EPHX3: variants seen among roughly 807,000 people sequenced by gnomAD.
The protein encoded by EPHX3 is abhydrolase domain containing 9.
EPHX3 carries 39 observed loss-of-function variants against 40.2 expected under a neutral mutation model. The observed-to-expected ratio is 0.97, with a 90% CI of 0.75 to 1.27. The LOEUF (loss-of-function observed/expected upper bound fraction) is 1.27, where lower values mean the gene tolerates loss of function less well. EPHX3 is among the 50% of genes most tolerant of loss of function. The pLI, the probability that EPHX3 is intolerant of heterozygous loss-of-function variation, is 0.00. For synonymous variants in EPHX3, 213 were observed against 209.7 expected, an observed-to-expected ratio of 1.02 and a Z score of -0.14; for missense variants, 442 against 474.0, an observed-to-expected ratio of 0.93 and a Z score of 0.63.
At chr19:15,231,115 T>C (rs1403573045) in intron 3 of EPHX3, 25 bp from the exon 4 acceptor site, 2 of 1,613,414 alleles carry the variant, frequency 1.2e-6, no homozygotes, top group African/African-American at 1.3e-5. Context: ...GGAGCTCGCA[T>C]AAGTGAGGTG....
upstream of EPHX3, chr19:15,232,483 G>C (rs1421035537): frequency 7.8e-7 from 1 of 1,278,422 alleles, no homozygotes; most frequent in Non-Finnish European, 1.0e-6. Context: ...AGGTTGGAAA[G>C]GGGGGAAATA....
chr19:15,233,444 C>T (rs953602973), upstream of EPHX3: 10 of 152,468 alleles, frequency 6.6e-5, no homozygotes, highest in African/African-American at 1.9e-4. Context: ...GTCCAGCGGC[C>T]TCGGCCCGGC....
chr19:15,235,759 A>T (rs907845238), upstream of EPHX3: 1 of 152,184 alleles, frequency 6.6e-6, no homozygotes, highest in African/African-American at 2.4e-5. Context: ...GTACTGTGGG[A>T]AGGGTTGGGA....
At chr19:15,229,844 G>A (rs568447700) in intron 4 of EPHX3, among the ~76,000 whole-genome samples, 116 of 118,764 alleles carry the variant, frequency 9.8e-4, no homozygotes, top group African/African-American at 3.7e-3. Flanking sequence ...CTGAGATCAC[G>A]CCACTGCACT....
chr19:15,227,712 G>C (rs1200913439), intron 6 of EPHX3, 50 bp from the exon 7 acceptor site: 1 of 1,609,988 alleles, frequency 6.2e-7, no homozygotes, highest in Admixed American at 1.7e-5. Flanking sequence ...AAGGATGGTT[G>C]CCTCCCACCC....
upstream of EPHX3, chr19:15,232,540 G>A: frequency 3.6e-6 from 3 of 829,434 alleles, no homozygotes; most frequent in African/African-American, 2.0e-5. Flanking sequence ...GGGCCGGGGC[G>A]GGGCCCAGGA....
At chr19:15,234,901 A>G (rs1251282401), upstream of EPHX3, among the ~76,000 whole-genome samples, 3 of 152,216 alleles carry the variant, frequency 2.0e-5, no homozygotes, top group African/African-American at 4.8e-5. Flanking sequence ...CACTATGATT[A>G]CATTGCCCAT....
At chr19:15,232,574 G>C (rs2047163753), upstream of EPHX3, 1 of 504,602 alleles carries the variant, frequency 2.0e-6, no homozygotes, top group South Asian at 4.0e-5. Flanking sequence ...GGTGGGTGAG[G>C]GTCTAAAGGC....
chr19:15,232,516 C>T (rs1264410746), upstream of EPHX3: 1 of 1,051,016 alleles, frequency 9.5e-7, no homozygotes, highest in African/African-American at 1.7e-5. Flanking sequence ...CTAGCAGGTC[C>T]TGTGCGGGGC....
chr19:15,232,488 G>T (rs2047163181), upstream of EPHX3: 3 of 1,244,176 alleles, frequency 2.4e-6, no homozygotes, highest in African/African-American at 1.6e-5. Context: ...GGAAAGGGGG[G>T]AAATAAATGG....
chr19:15,227,477 T>G lies in EPHX3; in HGVS notation c.1043A>C (p.His348Pro). 3 of 1,614,156 alleles carry G rather than the reference T, an allele frequency of 1.9e-6. No individual in the cohort carries two copies. The highest frequency in any genetic ancestry group is 3.3e-5 in the Admixed American group (2 of 60,030). Reference sequence around the variant, plus strand: ...TTGCAAGAAGGCCCACATGTACTGGTGCATCTCCTGGGGGTTGCTCTGTGG... The same window carrying G: ...TTGCAAGAAGGCCCACATGTACTGGGGCATCTCCTGGGGGTTGCTCTGTGG... ...WIPQSNPQEMHQYMWAFLQDL... is the reference protein window; with the variant it reads ...WIPQSNPQEMPQYMWAFLQDL... Residue 348 changes from histidine (H) to proline (P), a missense_variant, in exon 7 of 7, where the codon CAC (histidine) becomes CCC (proline). Physicochemically the swap from His to Pro is moderately conservative, Grantham distance 77 (BLOSUM62 -2). Transcript: ENST00000221730.
At position 15,232,314 on chromosome 19, in the gene EPHX3, C is replaced by G; in HGVS notation, c.-103G>C. On this transcript the variant is annotated 5_prime_UTR_variant, in exon 1 of 7. Transcript: ENST00000221730. ...GGGGCCCATCGCCCTTGGCCTGGGGCCCCTCCGTGCCGTCGGGATTTGTGG... is the reference window on the plus strand; with the variant it reads ...GGGGCCCATCGCCCTTGGCCTGGGGGCCCTCCGTGCCGTCGGGATTTGTGG... 7.2e-7 allele frequency: 1 copy of G among 1,381,932 alleles called. No homozygotes were observed. Among genetic ancestry groups the G allele is most frequent in the Non-Finnish European group, 9.3e-7 (1 of 1,078,456 alleles). 85.6% of individuals were successfully genotyped at this position (1,381,932 alleles called of 1,614,324 possible).
chr19:15,228,537 G>GAGAC (rs1184730691), intron 4 of EPHX3, among the ~76,000 whole-genome samples: 3 of 45,714 alleles, frequency 6.6e-5, no homozygotes, highest in Non-Finnish European at 1.4e-4. Context: ...TTTTTTTTTT[G>GAGAC]AGACAGAGTC....
At chr19:15,231,208 G>T (rs1258083529) in intron 3 of EPHX3, 31 bp downstream of exon 3, 1 of 1,613,422 alleles carries the variant, frequency 6.2e-7, no homozygotes, top group Non-Finnish European at 8.5e-7. Flanking sequence ...GGATGAGGGA[G>T]GCCACGCCTA....
At chr19:15,235,364 A>C (rs1240954029), upstream of EPHX3, among the ~76,000 whole-genome samples, 1 of 151,738 alleles carries the variant, frequency 6.6e-6, no homozygotes, top group Non-Finnish European at 1.5e-5. Context: ...TGTTCCCAGG[A>C]TCTCTCCCAA....
At chr19:15,229,886 A>C (rs1351764264) in intron 4 of EPHX3, among the ~76,000 whole-genome samples, 3 of 88,114 alleles carry the variant, frequency 3.4e-5, no homozygotes, top group Admixed American at 1.2e-4. Context: ...ACTCTGTCTC[A>C]AAAAAAAAAA....
chr19:15,231,336 G>A lies in EPHX3; in HGVS notation c.390C>T (p.Asp130=). Residue 130 remains aspartate (D), a synonymous_variant, in exon 3 of 7, where the codon GAC becomes GAT. Coordinates refer to ENST00000221730, the MANE Select transcript of EPHX3 (RefSeq NM_024794.3). ...FQSRFHVVAV[D]LRGYGPSDAP... is the part of the protein sequence containing the mutation. ...CATCCGAGGGGCCATAGCCTCGCAAGTCCACAGCCACAACATGGAAGCGGC... is the reference window on the plus strand; with the variant it reads ...CATCCGAGGGGCCATAGCCTCGCAAATCCACAGCCACAACATGGAAGCGGC... The A allele has an allele frequency of 6.2e-7, 1 of 1,613,958 alleles. No homozygotes were observed. The highest frequency in any genetic ancestry group is 8.5e-7 in the Non-Finnish European group (1 of 1,180,018).
intron 6 of EPHX3, 41 bp from the exon 7 acceptor site, chr19:15,227,703 A>G (rs771084418): frequency 3.7e-6 from 6 of 1,610,774 alleles, no homozygotes; most frequent in Admixed American, 3.3e-5. Flanking sequence ...GACAGGCAGA[A>G]GGATGGTTGC....
At chr19:15,228,619 C>T (rs538721528) in intron 4 of EPHX3, among the ~76,000 whole-genome samples, 7 of 139,056 alleles carry the variant, frequency 5.0e-5, no homozygotes, top group Admixed American at 1.6e-4. Context: ...CCCGGGTTCA[C>T]GCCATTCTCC....
Sources: gnomAD v4.1 joint callset for allele counts (sites outside exome capture counted in the v4.1 genomes callset) on GRCh38, gnomAD v4.1.1 for gene constraint, MANE v1.5 for transcripts, NCBI Gene and HGNC (gene_info 2026-07-23, HGNC 2026-07-21) for gene names.